The following LMF1 variants were observed in gnomAD, a reference collection of about 807,000 sequenced individuals.
The protein encoded by LMF1 is transmembrane protein 112.
Under a neutral mutation model 60.6 loss-of-function variants are expected in LMF1, and 68 were observed. That is an observed-to-expected ratio of 1.12 (90% CI 0.92 to 1.37). The LOEUF (loss-of-function observed/expected upper bound fraction) is 1.37. Ranked by LOEUF, LMF1 falls within the 40% of genes most tolerant of loss-of-function variation. LMF1 has a pLI of 0.00. For missense variants in LMF1, 948 were observed against 767.2 expected, an observed-to-expected ratio of 1.24 and a Z score of -2.78; for synonymous variants, 418 against 324.7, an observed-to-expected ratio of 1.29 and a Z score of -3.09.
At chr16:855,274 G>A in intron 10 of LMF1, 1 of 252,254 alleles carries the variant, frequency 4.0e-6, no homozygotes, top group Non-Finnish European at 7.9e-6. Flanking sequence ...CCTGAGACGT[G>A]CAGATGCTGG....
chr16:915,688 C>G (rs996726920), intron 3 of LMF1, among the ~76,000 whole-genome samples: 2 of 152,198 alleles, frequency 1.3e-5, no homozygotes. Flanking sequence ...GCTGGCCAGG[C>G]AGAGTGCTGG....
chr16:920,302 A>G (rs1567240611), intron 3 of LMF1, among the ~76,000 whole-genome samples: 1 of 152,082 alleles, frequency 6.6e-6, no homozygotes. Context: ...TACACACCAC[A>G]CCCCAAGCGC....
At chr16:859,212 G>C (rs2069338224) in intron 10 of LMF1, among the ~76,000 whole-genome samples, 1 of 133,170 alleles carries the variant, frequency 7.5e-6, no homozygotes, top group African/African-American at 3.4e-5. Context: ...TGGTGTCTCG[G>C]GACGGGTGTG....
intron 10 of LMF1, among the ~76,000 whole-genome samples, chr16:862,369 C>T (rs528704835): frequency 6.6e-6 from 1 of 152,180 alleles, no homozygotes; most frequent in East Asian, 1.9e-4. Context: ...GTCTTGAACT[C>T]CTGACCTCAG....
intron 5 of LMF1, among the ~76,000 whole-genome samples, chr16:891,015 C>G (rs1221008843): frequency 6.6e-6 from 1 of 152,214 alleles, no homozygotes; most frequent in East Asian, 1.9e-4. Flanking sequence ...GCACTCCTCA[C>G]AAACAGCACA....
rs746145984 is a variant in LMF1, at chr16:868,955, C to A, written c.1518G>T (p.Arg506Ser). Residue 506 changes from arginine to serine, a missense_variant, in exon 10 of 11, where the codon AGG becomes AGT. Coordinates refer to ENST00000262301, the MANE Select transcript of LMF1 (RefSeq NM_022773.4). The stretch of plus-strand genomic sequence containing the variant: ...GGAGGGCATCCTACCTGGGCGGGGG[C>A]CTGCCCGCGAAGGGGTTGTGTGCCA... ...SLLAHNPFAGRPPPRWVRGEH... is the reference protein window; with the variant it reads ...SLLAHNPFAGSPPPRWVRGEH... 6.2e-6 allele frequency: 10 copies of A among 1,609,194 alleles called. No homozygotes were observed. The highest frequency in any genetic ancestry group is 1.7e-5 in the Admixed American group (1 of 59,984).
chr16:955,824 C>G (rs1466705765), intron 1 of LMF1, among the ~76,000 whole-genome samples: 1 of 152,250 alleles, frequency 6.6e-6, no homozygotes, highest in African/African-American at 2.4e-5. Flanking sequence ...GACCCTGGCT[C>G]TGGTCAACGG....
chr16:952,875 A>C (rs9931351), intron 2 of LMF1, among the ~76,000 whole-genome samples: 1 of 82,480 alleles, frequency 1.2e-5, no homozygotes, highest in African/African-American at 5.8e-5. Flanking sequence ...CCAGCCTCCT[A>C]CACATCCACA....
chr16:976,328 A>G (rs1176936601), intron 1 of LMF1: 1 of 454,044 alleles, frequency 2.2e-6, no homozygotes, highest in East Asian at 6.9e-5. Context: ...AGCAATGACC[A>G]GGAATCAGGC....
intron 1 of LMF1, among the ~76,000 whole-genome samples, chr16:957,881 AC>A (rs1183039474): frequency 2.0e-5 from 3 of 151,908 alleles, no homozygotes; most frequent in African/African-American, 7.3e-5. Flanking sequence ...GGTGGCTCAC[AC>A]CTGTCATCCC....
chr16:975,806 G>A (rs555490020), upstream of LMF1: 43 of 454,022 alleles, frequency 9.5e-5, no homozygotes, highest in Non-Finnish European at 1.5e-4. Flanking sequence ...GCACTAATGG[G>A]TCTCTGGAAC....
intron 5 of LMF1, among the ~76,000 whole-genome samples, chr16:888,621 C>T (rs539279137): frequency 2.3e-4 from 35 of 152,344 alleles, no homozygotes; most frequent in African/African-American, 5.8e-4. Flanking sequence ...GTCAGGCAAC[C>T]GCTCCGATGT....
intron 1 of LMF1, chr16:976,683 C>A (rs759781330): frequency 4.3e-4 from 194 of 454,132 alleles, no homozygotes; most frequent in Middle Eastern, 2.1e-3. Flanking sequence ...ATAGGCCCAG[C>A]CAGAAGCTTG....
At chr16:955,550 G>A (rs57909578) in intron 1 of LMF1, among the ~76,000 whole-genome samples, 16,443 of 93,026 alleles carry the variant, frequency 0.18, 353 homozygotes, top group South Asian at 0.29. Context: ...GTGCATACAC[G>A]CACACACATC....
intron 3 of LMF1, among the ~76,000 whole-genome samples, chr16:914,625 A>G: frequency 6.7e-6 from 1 of 150,190 alleles, no homozygotes; most frequent in African/African-American, 2.5e-5. Flanking sequence ...CCCCATGACC[A>G]TTGGTGACAC....
intron 2 of LMF1, among the ~76,000 whole-genome samples, chr16:943,400 C>G (rs796257583): frequency 1.1e-4 from 16 of 147,250 alleles, no homozygotes; most frequent in African/African-American, 2.7e-4. Flanking sequence ...GATTCAGAGT[C>G]TCTGCTAAAT....
chr16:864,628 C>T (rs146794544), intron 10 of LMF1, among the ~76,000 whole-genome samples: 1 of 151,610 alleles, frequency 6.6e-6, no homozygotes, highest in Non-Finnish European at 1.5e-5. Flanking sequence ...TTTATCAGGG[C>T]ATAAGCTCAT....
intron 10 of LMF1, among the ~76,000 whole-genome samples, chr16:867,416 G>A (rs1596852905): frequency 6.6e-6 from 1 of 152,222 alleles, no homozygotes; most frequent in East Asian, 1.9e-4. Context: ...GCCAGCTCCA[G>A]GGTCCCCAGG....
At chr16:947,745 A>G in intron 2 of LMF1, 2 of 364,616 alleles carry the variant, frequency 5.5e-6, no homozygotes, top group Non-Finnish European at 1.1e-5. Flanking sequence ...CCAAGCGCGG[A>G]TGACAGTCAG....
Sources: gnomAD v4.1 joint callset for allele counts (sites outside exome capture counted in the v4.1 genomes callset) on GRCh38, gnomAD v4.1.1 for gene constraint, MANE v1.5 for transcripts, NCBI Gene and HGNC (gene_info 2026-07-23, HGNC 2026-07-21) for gene names.